Variants in DGKG observed in about 807,000 individuals in gnomAD.
DGKG encodes the protein DAG kinase gamma.
In DGKG, 78 loss-of-function variants were observed where a neutral mutation model predicts 105.3. The observed-to-expected ratio is 0.74, with a 90% CI of 0.62 to 0.89. The LOEUF is 0.89. DGKG is among the 40% of genes least tolerant of loss of function. DGKG has a pLI of 0.00. For synonymous variants in DGKG, 346 were observed against 367.1 expected (o/e 0.94, Z 0.66); for missense variants, 958 against 1,020.1 (o/e 0.94, Z 0.83).
chr3:186,333,770 G>A (rs981855962), intron 1 of DGKG, among the ~76,000 whole-genome samples: 2 of 152,156 alleles, frequency 1.3e-5, no homozygotes, highest in Non-Finnish European at 2.9e-5. Flanking sequence ...CAGAGCCCTG[G>A]GCATGAGTAT....
At chr3:186,323,443 G>T (rs1398955084) in intron 1 of DGKG, among the ~76,000 whole-genome samples, 1 of 152,146 alleles carries the variant, frequency 6.6e-6, no homozygotes, top group Non-Finnish European at 1.5e-5. Flanking sequence ...AAAAAATGAG[G>T]TTAGGTATTT....
chr3:186,284,557 A>T lies in DGKG; in HGVS notation c.594+103T>A. The T allele has an allele frequency of 1.0e-6, 1 of 987,878 alleles. No homozygotes were observed. The highest frequency in any genetic ancestry group is 1.6e-6 in the Non-Finnish European group (1 of 620,510). 61.2% of individuals were successfully genotyped at this position (987,878 alleles called of 1,614,324 possible). Reference sequence around the variant, plus strand: ...CAGCCTGCATCGAGACATTGCTATTACTACAAAGACGGAACTGAACATTTT... The same window carrying T: ...CAGCCTGCATCGAGACATTGCTATTTCTACAAAGACGGAACTGAACATTTT... On this transcript the variant is annotated intron_variant, in intron 7 of 24. Transcript: ENST00000265022. This position sits in a 1 kb window ranked among gnomAD's most constrained non-coding sequence, Gnocchi z 4.0.
At chr3:186,297,055 C>T (rs1039109810) in intron 5 of DGKG, among the ~76,000 whole-genome samples, 2 of 127,330 alleles carry the variant, frequency 1.6e-5, no homozygotes, top group African/African-American at 6.2e-5. Flanking sequence ...CTCTGTCTGT[C>T]TGTCTGTCTC....
intron 2 of DGKG, among the ~76,000 whole-genome samples, chr3:186,318,607 T>C (rs975881991): frequency 2.0e-5 from 3 of 152,118 alleles, no homozygotes; most frequent in Admixed American, 6.6e-5. Flanking sequence ...AATAAGGTTG[T>C]GCGCCTAGGA....
chr3:186,338,445 C>G (rs987276231), intron 1 of DGKG, among the ~76,000 whole-genome samples: 1 of 152,088 alleles, frequency 6.6e-6, no homozygotes, highest in African/African-American at 2.4e-5. Flanking sequence ...AATGGAATCT[C>G]CCTTGTGGAG....
intron 24 of DGKG, chr3:186,158,442 G>A: frequency 4.1e-6 from 4 of 974,744 alleles, no homozygotes; most frequent in Non-Finnish European, 4.9e-6. Context: ...GAATTTTTAA[G>A]TCTCCAAGTG....
intron 24 of DGKG, chr3:186,159,976 G>A (rs1716214748): frequency 6.2e-6 from 1 of 161,088 alleles, no homozygotes; most frequent in Non-Finnish European, 1.3e-5. Flanking sequence ...AGGAAGAGAG[G>A]CCTCCCCAGA....
intron 5 of DGKG, among the ~76,000 whole-genome samples, chr3:186,297,062 T>TCACACACACACACACACACA (rs1491170428): frequency 1.1e-4 from 3 of 26,782 alleles, no homozygotes; most frequent in African/African-American, 2.3e-4. Flanking sequence ...TGTCTGTCTG[T>TCACACACACACACACACACA]CTCTCTCACA....
At chr3:186,288,174 C>T (rs1723155379) in intron 6 of DGKG, among the ~76,000 whole-genome samples, 1 of 152,156 alleles carries the variant, frequency 6.6e-6, no homozygotes, top group Non-Finnish European at 1.5e-5. Context: ...TAACTGGCCC[C>T]CTCGTTCTCT....
intron 2 of DGKG, among the ~76,000 whole-genome samples, chr3:186,311,529 C>A (rs138500907): frequency 6.6e-6 from 1 of 152,302 alleles, no homozygotes; most frequent in Admixed American, 6.5e-5. Flanking sequence ...TCTCTTTGAT[C>A]AAGGTTACCA....
chr3:186,303,558 C>A (rs1210262529), intron 3 of DGKG, among the ~76,000 whole-genome samples: 3 of 152,170 alleles, frequency 2.0e-5, no homozygotes, highest in Non-Finnish European at 2.9e-5. Flanking sequence ...CTGTTACTGT[C>A]ATTCTGGGGA....
rs962724891 is a variant in DGKG at position 186,147,747 on chromosome 3, C to T, written c.*2343G>A. On this transcript the variant is annotated 3_prime_UTR_variant, in exon 25 of 25. Coordinates refer to ENST00000265022, the MANE Select transcript of DGKG (RefSeq NM_001346.3). ...TCTCAATAGCCTCAATCTTGGGGAT[C>T]ATGGCTGAAACACATGCACGAACTT... 8 of 985,418 alleles carry T rather than the reference C, an allele frequency of 8.1e-6. No homozygotes were observed. The highest frequency in any genetic ancestry group is 1.1e-4 in the East Asian group (1 of 8,820). The allele number at this position is 985,418 out of a possible 1,614,324, so 61.0% of individuals were successfully genotyped here.
intron 2 of DGKG, among the ~76,000 whole-genome samples, chr3:186,318,935 T>C (rs551595331): frequency 6.6e-6 from 1 of 152,350 alleles, no homozygotes; most frequent in East Asian, 1.9e-4. Flanking sequence ...CCAGAGCTGT[T>C]TGCCTGCTGC....
intron 20 of DGKG, among the ~76,000 whole-genome samples, chr3:186,241,894 C>G (rs1720703844): frequency 6.6e-6 from 1 of 152,140 alleles, no homozygotes; most frequent in Admixed American, 6.5e-5. Flanking sequence ...TTCCTCTTTC[C>G]TTTCATTTTT....
intron 17 of DGKG, among the ~76,000 whole-genome samples, chr3:186,255,142 T>C (rs530023734): frequency 1.3e-5 from 2 of 152,326 alleles, no homozygotes; most frequent in East Asian, 3.9e-4. Flanking sequence ...CCTTGTTTGT[T>C]CCCTGAATGT....
intron 20 of DGKG, among the ~76,000 whole-genome samples, chr3:186,212,399 C>A (rs1440580843): frequency 6.6e-6 from 1 of 152,136 alleles, no homozygotes; most frequent in Non-Finnish European, 1.5e-5. Flanking sequence ...CAGGCTCTGA[C>A]TGGGGGAAGC....
intron 1 of DGKG, among the ~76,000 whole-genome samples, chr3:186,339,503 G>A (rs1398565606): frequency 6.6e-6 from 1 of 152,062 alleles, no homozygotes; most frequent in Non-Finnish European, 1.5e-5. Context: ...CTTTAAAAGA[G>A]GTTTTTTCAT....
intron 21 of DGKG, among the ~76,000 whole-genome samples, 169 bp from the exon 22 acceptor site, chr3:186,188,548 C>G (rs979191438): frequency 6.6e-6 from 1 of 152,110 alleles, no homozygotes; most frequent in African/African-American, 2.4e-5. Flanking sequence ...CAAAGTCGCT[C>G]AGACTTAATG....
At chr3:186,157,751 T>A (rs1366933439) in intron 24 of DGKG, among the ~76,000 whole-genome samples, 2 of 152,238 alleles carry the variant, frequency 1.3e-5, no homozygotes, top group Admixed American at 6.5e-5. Context: ...TCGCCCAGGC[T>A]GGAGTGCAGT....
Sources: gnomAD v4.1 joint callset for allele counts (sites outside exome capture counted in the v4.1 genomes callset) on GRCh38, gnomAD v4.1.1 for gene constraint, Gnocchi (gnomAD v3.1) non-coding constraint, MANE v1.5 for transcripts, NCBI Gene and HGNC (gene_info 2026-07-23, HGNC 2026-07-21) for gene names.